NRXN3: variants seen among roughly 807,000 people sequenced by gnomAD.
The protein encoded by NRXN3 is neurexin 3.
NRXN3 carries 32 observed loss-of-function variants against 137.6 expected under a neutral mutation model. The observed-to-expected ratio is 0.23, with a 90% CI of 0.18 to 0.31. The LOEUF (loss-of-function observed/expected upper bound fraction) is 0.31. NRXN3 is among the 10% of genes least tolerant of loss of function. The pLI is 1.00. For synonymous variants in NRXN3, 798 were observed against 784.5 expected, an observed-to-expected ratio of 1.02 and a Z score of -0.29; for missense variants, 1,574 against 2,062.5, an observed-to-expected ratio of 0.76 and a Z score of 4.59.
At chr14:79,804,496 C>A in intron 19 of NRXN3, among the ~76,000 whole-genome samples, 1 of 152,172 alleles carries the variant, frequency 6.6e-6, no homozygotes, top group East Asian at 1.9e-4. Flanking sequence ...TACCTGTGTT[C>A]AGGGACTATT....
intron 3 of NRXN3, among the ~76,000 whole-genome samples, chr14:78,283,880 G>C (rs1006313087): frequency 1.3e-5 from 2 of 152,138 alleles, no homozygotes; most frequent in African/African-American, 4.8e-5. Context: ...CCTCTAAAGT[G>C]TTTACAATCT....
intron 10 of NRXN3, among the ~76,000 whole-genome samples, chr14:78,811,369 AAG>A (rs138202384): frequency 6.3e-4 from 93 of 148,404 alleles, no homozygotes; most frequent in Admixed American, 7.4e-4. Flanking sequence ...ATCCGTAGGG[AAG>A]AGAGAGAGAG....
chr14:79,275,958 TA>T (rs1176150931), intron 15 of NRXN3, among the ~76,000 whole-genome samples: 1 of 152,218 alleles, frequency 6.6e-6, no homozygotes, highest in African/African-American at 2.4e-5. Flanking sequence ...ATAGTGTTTC[TA>T]AATCTATTTC....
chr14:79,666,377 A>G (rs1364548560), intron 17 of NRXN3, among the ~76,000 whole-genome samples: 1 of 152,102 alleles, frequency 6.6e-6, no homozygotes. Flanking sequence ...ATCCTCAATA[A>G]ATGTTAGCTG....
intron 17 of NRXN3, among the ~76,000 whole-genome samples, chr14:79,673,806 A>G (rs2098625378): frequency 6.6e-6 from 1 of 152,086 alleles, no homozygotes; most frequent in South Asian, 2.1e-4. Flanking sequence ...TTGAGCAGTT[A>G]TTAATTGCCA....
chr14:78,880,235 G>A (rs1305607252), intron 10 of NRXN3, among the ~76,000 whole-genome samples: 5 of 103,706 alleles, frequency 4.8e-5, no homozygotes, highest in Admixed American at 1.3e-4. Context: ...GCGAGACTCC[G>A]TCTCAAAAAA....
chr14:78,898,853 GA>G (rs35992371), intron 10 of NRXN3, among the ~76,000 whole-genome samples: 1 of 151,670 alleles, frequency 6.6e-6, no homozygotes, highest in Non-Finnish European at 1.5e-5. Context: ...CCATCATATT[GA>G]AAAAAATTGT....
intron 16 of NRXN3, among the ~76,000 whole-genome samples, chr14:79,553,766 C>G (rs953276056): frequency 2.6e-5 from 4 of 152,182 alleles, no homozygotes; most frequent in African/African-American, 9.6e-5. Flanking sequence ...TTAGTATCCC[C>G]TCACTGAGTC....
At chr14:78,464,162 C>T (rs1035560495) in intron 4 of NRXN3, among the ~76,000 whole-genome samples, 4 of 151,790 alleles carry the variant, frequency 2.6e-5, no homozygotes, top group Non-Finnish European at 5.9e-5. Context: ...AAGCGATTCT[C>T]CAGCTTCAGC....
intron 4 of NRXN3, among the ~76,000 whole-genome samples, chr14:78,338,923 T>G (rs2081829179): frequency 1.3e-5 from 2 of 152,146 alleles, no homozygotes; most frequent in South Asian, 4.1e-4. Context: ...CCCAAGGTGG[T>G]GGAGGTGGTT....
intron 4 of NRXN3, among the ~76,000 whole-genome samples, chr14:78,640,781 AT>A (rs1470102507): frequency 2.0e-5 from 3 of 152,206 alleles, no homozygotes; most frequent in African/African-American, 7.2e-5. Flanking sequence ...TAATGGATAA[AT>A]GATTTGTTGT....
intron 7 of NRXN3, 103 bp from the exon 8 acceptor site, chr14:78,714,653 T>C (rs925200815): frequency 1.6e-6 from 2 of 1,280,572 alleles, no homozygotes; most frequent in Admixed American, 4.0e-5. Context: ...TACATTGTTC[T>C]CTCCTGGCCA....
chr14:78,437,570 A>C (rs2094114998), intron 4 of NRXN3, among the ~76,000 whole-genome samples: 1 of 152,034 alleles, frequency 6.6e-6, no homozygotes, highest in Non-Finnish European at 1.5e-5. Context: ...GCTGGTCTTG[A>C]ACTCCTGACC....
intron 4 of NRXN3, among the ~76,000 whole-genome samples, chr14:78,395,859 T>A (rs1252810817): frequency 6.6e-6 from 1 of 152,036 alleles, no homozygotes; most frequent in African/African-American, 2.4e-5. Context: ...CATCTTATTT[T>A]CATCCTGTCT....
chr14:79,403,566 A>G (rs993290682), intron 15 of NRXN3, among the ~76,000 whole-genome samples: 1 of 152,202 alleles, frequency 6.6e-6, no homozygotes, highest in Non-Finnish European at 1.5e-5. Context: ...CAGTGAAAGC[A>G]CATCATGATC....
At chr14:78,625,172 A>T (rs1032152785) in intron 4 of NRXN3, among the ~76,000 whole-genome samples, 1 of 152,198 alleles carries the variant, frequency 6.6e-6, no homozygotes, top group African/African-American at 2.4e-5. Flanking sequence ...AGGGCATTTG[A>T]CTAGGGACAT....
intron 16 of NRXN3, among the ~76,000 whole-genome samples, chr14:79,495,329 C>T (rs568791564): frequency 2.1e-4 from 32 of 152,314 alleles, no homozygotes; most frequent in South Asian, 8.3e-4. Context: ...CCCTTAGGTA[C>T]AAGGATGCCA....
At chr14:78,997,382 G>T (rs531921404) in intron 15 of NRXN3, among the ~76,000 whole-genome samples, 2 of 152,104 alleles carry the variant, frequency 1.3e-5, no homozygotes, top group Non-Finnish European at 2.9e-5. Context: ...GGTGTCCTTG[G>T]CTAGTTACTT....
intron 16 of NRXN3, among the ~76,000 whole-genome samples, chr14:79,470,903 T>TGTGA (rs2096493024): frequency 8.6e-6 from 1 of 116,720 alleles, no homozygotes; most frequent in Admixed American, 8.3e-5. Context: ...AGAGAGAGAG[T>TGTGA]GTGTGTGTGT....
Sources: gnomAD v4.1 joint callset for allele counts (sites outside exome capture counted in the v4.1 genomes callset) on GRCh38, gnomAD v4.1.1 for gene constraint, MANE v1.5 for transcripts, NCBI Gene and HGNC (gene_info 2026-07-23, HGNC 2026-07-21) for gene names.